The following OR10G4 variants were observed in gnomAD, a reference collection of about 807,000 sequenced individuals.
OR10G4 encodes olfactory receptor family 10 subfamily G member 4, also known as olfactory receptor 10G4.
For synonymous variants in OR10G4, 130 were observed against 159.3 expected (o/e 0.82, Z 1.39); for missense variants, 318 against 388.8 (o/e 0.82, Z 1.53).
rs1864035733 is a variant in OR10G4, at chr11:124,018,076, A to G, written c.*1566A>G. ...CGATCCTATTTCATACTATACACAT[A>G]AAAAACTCAATTATAGTAGATAAGA... is the stretch of plus-strand genomic sequence containing the variant. On this transcript the variant is annotated 3_prime_UTR_variant, in exon 2 of 2. Transcript: ENST00000641722. 6.6e-6 allele frequency: 1 copy of G among 152,234 alleles called. No homozygotes were observed. Among genetic ancestry groups the G allele is most frequent in the Non-Finnish European group, 1.5e-5 (1 of 68,038 alleles). 9.4% of individuals were successfully genotyped at this position (152,234 alleles called of 1,614,324 possible).
rs535448505 is a variant in OR10G4 at position 124,018,563 on chromosome 11, G to A, written c.*2053G>A. The A allele has an allele frequency of 6.6e-6, 1 of 152,062 alleles. No individual in the cohort carries two copies. The highest frequency in any genetic ancestry group is 6.5e-5 in the Admixed American group (1 of 15,274). 9.4% of individuals were successfully genotyped at this position (152,062 alleles called of 1,614,324 possible). Reference sequence around the variant, plus strand: ...TTCTTATGGCTGCATAGTATTCCATGGTGTATATGTGCCACATTTTCTTTA... The same window carrying A: ...TTCTTATGGCTGCATAGTATTCCATAGTGTATATGTGCCACATTTTCTTTA... On this transcript the variant is annotated 3_prime_UTR_variant, in exon 2 of 2. Transcript: ENST00000641722.
rs545226110 is a variant in OR10G4, at chr11:124,014,466, C to A, written c.-27-1082C>A. Among the ~76,000 whole-genome samples the A allele has an allele frequency of 7.9e-5, 12 of 152,282 alleles. No individual in the cohort carries two copies. The South Asian group carries it at 1.2e-3, about 16-fold the overall frequency. On this transcript the variant is annotated intron_variant, in intron 1 of 1. Transcript: ENST00000641722. ...AGTCAGGGAATTCCCTGATCCCTTGCGCTTCCCAGATGAAGCGATGCCTCG... is the reference window on the plus strand; with the variant it reads ...AGTCAGGGAATTCCCTGATCCCTTGAGCTTCCCAGATGAAGCGATGCCTCG...
At position 124,013,051 on chromosome 11, in the gene OR10G4, G is replaced by A. The variant is rs1201346262; in HGVS notation, c.-89G>A. 6.6e-6 allele frequency: 1 copy of A among 152,192 alleles called. No individual in the cohort carries two copies. The highest frequency in any genetic ancestry group is 2.4e-5 in the African/African-American group (1 of 41,454). The allele number at this position is 152,192 out of a possible 1,614,324, so 9.4% of individuals were successfully genotyped here. On this transcript the variant is annotated 5_prime_UTR_variant, in exon 1 of 2. It adds an upstream start codon to the 5' untranslated region. Transcript: ENST00000641722. The stretch of plus-strand genomic sequence containing the variant: ...AGTGCCTATACGTAGTGGGTAGAAA[G>A]TGAAAAATTGGGGGAAAAAGTTAGA...
At chr11:124,014,482 C>T (rs760466027) in intron 1 of OR10G4, among the ~76,000 whole-genome samples, 2 of 152,306 alleles carry the variant, frequency 1.3e-5, no homozygotes, top group Admixed American at 6.5e-5. Flanking sequence ...CCAGATGAAG[C>T]GATGCCTCGC....
At chr11:124,015,415 A>T in intron 1 of OR10G4, 133 bp from the exon 2 acceptor site, 2 of 835,012 alleles carry the variant, frequency 2.4e-6, no homozygotes, top group Non-Finnish European at 3.7e-6. Flanking sequence ...CATCTCTGTG[A>T]GGGAAGCTTT....
Position 124,016,201 on chromosome 11 carries a change from C to T in OR10G4, c.627C>T (p.Cys209=), listed in dbSNP as rs148375252. The T allele has an allele frequency of 2.4e-5, 38 of 1,614,228 alleles. No homozygotes were observed. The African/African-American group carries it at 4.5e-4, about 19-fold the overall frequency. Residue 209 remains cysteine (C), a synonymous_variant, in exon 2 of 2, where the codon TGC becomes TGT. Coordinates refer to ENST00000641722, the MANE Select transcript of OR10G4 (RefSeq NM_001004462.2). ...FVDIGIVASG[C]FVLIVLSYVS... ...ACATTGGGATAGTGGCCTCAGGCTG[C>T]TTTGTCCTGATAGTGCTGTCCTATG...
At position 124,016,105 on chromosome 11, in the gene OR10G4, C is replaced by T. The variant is rs3017764; in HGVS notation, c.531C>T (p.Phe177=). 1 of 1,612,772 alleles carries T rather than the reference C, an allele frequency of 6.2e-7. No homozygotes were observed. The highest frequency in any genetic ancestry group is 8.5e-7 in the Non-Finnish European group (1 of 1,179,868). The change falls in exon 2 of 2, where the codon TTC becomes TTT. Residue 177 remains phenylalanine, a synonymous_variant. Coordinates refer to ENST00000641722, the MANE Select transcript of OR10G4 (RefSeq NM_001004462.2). The part of the protein sequence containing the change: ...YCGPNQIQHY[F]CDAPPILKLA... ...GACCCAACCAGATCCAGCACTACTT[C>T]TGTGACGCACCGCCCATCCTGAAAC...
chr11:124,016,076 T>C lies in OR10G4; in HGVS notation c.502T>C (p.Cys168Arg). The C allele has an allele frequency of 3.1e-6, 5 of 1,613,912 alleles. No individual in the cohort carries two copies. The highest frequency in any genetic ancestry group is 1.1e-5 in the South Asian group (1 of 91,080). Residue 168 changes from cysteine (C) to arginine (R), a missense_variant, in exon 2 of 2, where the codon TGT (cysteine) becomes CGT (arginine). Coordinates refer to ENST00000641722, the MANE Select transcript of OR10G4 (RefSeq NM_001004462.2). ...QTILTFHLPYCGPNQIQHYFC... is the reference protein window; with the variant it reads ...QTILTFHLPYRGPNQIQHYFC... ...CATATTGACTTTCCATTTGCCCTAC[T>C]GTGGACCCAACCAGATCCAGCACTA...
rs116021926 is a variant in OR10G4, at chr11:124,016,261, C to A, written c.687C>A (p.Thr229=). ...SIVCSILRIR[T]SDGRRRAFQT... ...TCTGTTCCATCCTGCGGATCCGCAC[C>A]TCAGATGGGAGGCGCAGAGCCTTTC... Residue 229 remains threonine, a synonymous_variant, in exon 2 of 2, where the codon ACC becomes ACA. Coordinates refer to ENST00000641722, the MANE Select transcript of OR10G4 (RefSeq NM_001004462.2). 3.4e-5 allele frequency: 55 copies of A among 1,614,076 alleles called. No individual in the cohort carries two copies. In the Middle Eastern group the frequency reaches 9.9e-4, roughly 29 times the overall value.
At chr11:124,014,325 T>C (rs1234911777) in intron 1 of OR10G4, among the ~76,000 whole-genome samples, 1 of 152,178 alleles carries the variant, frequency 6.6e-6, no homozygotes, top group Non-Finnish European at 1.5e-5. Flanking sequence ...ACTCAGAGAA[T>C]ATATGAACTC....
rs1023491850 is a variant in OR10G4 at position 124,017,219 on chromosome 11, C to G, written c.*709C>G. ...GTATACTCACAGAATAGATTACTAT[C>G]CAGCAATGATAACGAATGATCTAAC... On this transcript the variant is annotated 3_prime_UTR_variant, in exon 2 of 2. Transcript: ENST00000641722. 5 of 152,146 alleles carry G rather than the reference C, an allele frequency of 3.3e-5. No individual in the cohort carries two copies. The highest frequency in any genetic ancestry group is 6.5e-5 in the Admixed American group (1 of 15,268). 9.4% of individuals were successfully genotyped at this position (152,146 alleles called of 1,614,324 possible).
intron 1 of OR10G4, among the ~76,000 whole-genome samples, chr11:124,014,700 A>G (rs1278739927): frequency 6.6e-6 from 1 of 152,196 alleles, no homozygotes; most frequent in Non-Finnish European, 1.5e-5. Flanking sequence ...CTAGTGGATA[A>G]TTTATGTGTA....
Position 124,017,409 on chromosome 11 carries a change from G to A in OR10G4, c.*899G>A, listed in dbSNP as rs1283416282. The A allele has an allele frequency of 3.9e-5, 6 of 152,128 alleles. No homozygotes were observed. The highest frequency in any genetic ancestry group is 3.9e-4 in the Admixed American group (6 of 15,274). The allele number at this position is 152,128 out of a possible 1,614,324, so 9.4% of individuals were successfully genotyped here. A position where few individuals can be genotyped will look rare whatever the true frequency, so the allele number is the denominator to read the frequency against. The stretch of plus-strand genomic sequence containing the variant: ...TCTGGAAATATTCTTGCTTGTCACA[G>A]GCACTGGCGTCTATTGGCTATAGGT... On this transcript the variant is annotated 3_prime_UTR_variant, in exon 2 of 2. Coordinates refer to ENST00000641722, the MANE Select transcript of OR10G4 (RefSeq NM_001004462.2).
chr11:124,016,411 GC>G lies in OR10G4; in HGVS notation c.841del (p.Leu281PhefsTer9), dbSNP rs1864021204. On this transcript the variant is annotated frameshift_variant, in exon 2 of 2. Transcript: ENST00000641722. LOFTEE classifies it low-confidence loss of function (END_TRUNC). ...VVAIFYTVLT[P>X]LLNPVVYTLR... The stretch of plus-strand genomic sequence containing the variant: ...TGGCCATTTTCTACACTGTGCTGAC[GC>G]CCCTTCTCAACCCTGTTGTGTACAC... 1.2e-6 allele frequency: 2 copies of G among 1,614,162 alleles called. No homozygotes were observed. Among genetic ancestry groups the G allele is most frequent in the African/African-American group, 1.3e-5 (1 of 75,034 alleles).
intron 1 of OR10G4, among the ~76,000 whole-genome samples, chr11:124,014,318 CAG>C: frequency 6.6e-6 from 1 of 152,320 alleles, no homozygotes; most frequent in East Asian, 1.9e-4. Context: ...TGAAAACACT[CAG>C]AGAATATATG....
Position 124,015,949 on chromosome 11 carries a change from C to T in OR10G4, c.375C>T (p.Ile125=), listed in dbSNP as rs759294472. Residue 125 remains isoleucine, a synonymous_variant, in exon 2 of 2, where the codon ATC becomes ATT. Transcript: ENST00000641722. ...TGTCCTATGATCGCTACTTGGCCAT[C>T]AGTTACCCGCTCAGGTACACCAGCA... ...TVMSYDRYLA[I]SYPLRYTSMM... is the part of the protein sequence containing the mutation. 3.0e-5 allele frequency: 48 copies of T among 1,613,834 alleles called. No homozygotes were observed. Among genetic ancestry groups the T allele is most frequent in the Non-Finnish European group, 1.7e-5 (20 of 1,179,948 alleles).
intron 1 of OR10G4, among the ~76,000 whole-genome samples, chr11:124,013,854 T>C (rs1863990529): frequency 6.6e-6 from 1 of 152,154 alleles, no homozygotes; most frequent in Admixed American, 6.6e-5. Flanking sequence ...AAAAGAAACA[T>C]AGACTTGAAA....
rs953249491 is a variant in OR10G4 at position 124,017,779 on chromosome 11, A to G, written c.*1269A>G. 1.3e-5 allele frequency: 2 copies of G among 152,180 alleles called. No homozygotes were observed. The highest frequency in any genetic ancestry group is 2.4e-5 in the African/African-American group (1 of 41,446). 9.4% of individuals were successfully genotyped at this position (152,180 alleles called of 1,614,324 possible). A position where few individuals can be genotyped will look rare whatever the true frequency, so the allele number is the denominator to read the frequency against. Reference sequence around the variant, plus strand: ...GCGGATTGAAATGGAATGAGTCCCAAAATGGTCAAGAATCTCTTGAAGAAA... The same window carrying G: ...GCGGATTGAAATGGAATGAGTCCCAGAATGGTCAAGAATCTCTTGAAGAAA... On this transcript the variant is annotated 3_prime_UTR_variant, in exon 2 of 2. Coordinates refer to ENST00000641722, the MANE Select transcript of OR10G4 (RefSeq NM_001004462.2).
At chr11:124,014,517 G>A (rs892393276) in intron 1 of OR10G4, among the ~76,000 whole-genome samples, 1 of 152,224 alleles carries the variant, frequency 6.6e-6, no homozygotes, top group African/African-American at 2.4e-5. Context: ...CACATGGTGT[G>A]CTGCACCCAC....
Sources: allele counts gnomAD v4.1 joint callset (sites outside exome capture counted in the v4.1 genomes callset), GRCh38; gene constraint gnomAD v4.1.1; transcripts MANE v1.5; gene names NCBI Gene and HGNC (gene_info 2026-07-23, HGNC 2026-07-21).